The following CA10 variants were observed in gnomAD, a reference collection of about 807,000 sequenced individuals.
CA10 encodes the protein carbonic anhydrase 10 (inactive).
CA10 carries 14 observed loss-of-function variants against 44.2 expected under a neutral mutation model. The ratio of observed to expected loss-of-function variants is 0.32; its 90% CI spans 0.21 to 0.50. The LOEUF is 0.50. Ranked by LOEUF, CA10 falls within the 20% of genes least tolerant of loss-of-function variation. The probability of loss-of-function intolerance (pLI) is 0.99; values close to 1 mark genes in which losing one functional copy is unlikely to be tolerated. For missense variants in CA10, 350 were observed against 409.7 expected, an observed-to-expected ratio of 0.85 and a Z score of 1.26; for synonymous variants, 159 against 141.6, an observed-to-expected ratio of 1.12 and a Z score of -0.87.
intron 3 of CA10, among the ~76,000 whole-genome samples, chr17:51,904,728 C>T (rs1297117326): frequency 6.6e-6 from 1 of 152,074 alleles, no homozygotes; most frequent in African/African-American, 2.4e-5. Flanking sequence ...TATCCCTAAG[C>T]CCCTTTACCT....
At chr17:51,725,514 A>G (rs78572175) in intron 4 of CA10, among the ~76,000 whole-genome samples, 2,473 of 152,314 alleles carry the variant, frequency 0.016, 80 homozygotes, top group African/African-American at 0.057. Context: ...CAGGGCCAGC[A>G]GTGCAGCCCT....
At chr17:52,035,181 A>T (rs1187320535) in intron 2 of CA10, among the ~76,000 whole-genome samples, 1 of 152,066 alleles carries the variant, frequency 6.6e-6, no homozygotes, top group East Asian at 1.9e-4. Context: ...CCATGGCCCC[A>T]CCATGCCTCA....
chr17:51,918,432 G>A (rs1982089792), intron 3 of CA10, among the ~76,000 whole-genome samples: 1 of 152,194 alleles, frequency 6.6e-6, no homozygotes, highest in Non-Finnish European at 1.5e-5. Flanking sequence ...AGGCAGATGA[G>A]ATGCTGCTAG....
chr17:51,867,132 G>A (rs900433051), intron 3 of CA10, among the ~76,000 whole-genome samples: 1 of 152,092 alleles, frequency 6.6e-6, no homozygotes, highest in Non-Finnish European at 1.5e-5. Flanking sequence ...AGTAAGAAAT[G>A]AGGCCACATG....
intron 3 of CA10, among the ~76,000 whole-genome samples, chr17:51,835,069 A>G (rs920146848): frequency 6.6e-6 from 1 of 152,208 alleles, no homozygotes; most frequent in African/African-American, 2.4e-5. Context: ...AAAAGCAGCA[A>G]AAGCAATCTG....
At position 51,664,766 on chromosome 17, in the gene CA10, C is replaced by T. The variant is rs116999116; in HGVS notation, c.466-11030G>A. ...AGGGCAATGTGATTGAATGATATTT[C>T]GGGAGACCACAATGCGAAGTTTTAT... On this transcript the variant is annotated intron_variant, in intron 4 of 8. Coordinates refer to ENST00000451037, the MANE Select transcript of CA10 (RefSeq NM_020178.5). Among the ~76,000 whole-genome samples the T allele has an allele frequency of 2.2e-4, 34 of 152,116 alleles. No homozygotes were observed. In the East Asian group the frequency reaches 2.9e-3, roughly 13 times the overall value.
chr17:52,114,431 C>G (rs1988848232), intron 1 of CA10, among the ~76,000 whole-genome samples: 1 of 152,192 alleles, frequency 6.6e-6, no homozygotes, highest in Non-Finnish European at 1.5e-5. Context: ...CACTGAGCCT[C>G]AGTTTGCCCA....
rs192235444 is a variant in CA10, at chr17:51,950,594, T to C, written c.137-19462A>G. 2.5e-3 allele frequency among the ~76,000 whole-genome samples: 374 copies of C among 152,232 alleles called. 1 individual carries two copies. The highest frequency in any genetic ancestry group is 8.8e-3 in the African/African-American group (366 of 41,566). On this transcript the variant is annotated intron_variant, in intron 2 of 8. Transcript: ENST00000451037. Reference sequence around the variant, plus strand: ...CCACCAATCACTGCTTCCTCTTCATTTGGGCCACCGCTTCTTGCCCTGGAG... The same window carrying C: ...CCACCAATCACTGCTTCCTCTTCATCTGGGCCACCGCTTCTTGCCCTGGAG...
intron 3 of CA10, among the ~76,000 whole-genome samples, chr17:51,890,826 T>C (rs1238500885): frequency 6.6e-6 from 1 of 152,194 alleles, no homozygotes; most frequent in Non-Finnish European, 1.5e-5. Context: ...AATTTGGAGC[T>C]AGTTGACAGT....
rs1472852085 is a variant in CA10, at chr17:51,630,571, G to GTGAA, written c.*1009_*1012dup. ...TATCTCAGGCTGAAGCTCACCTCAT[G>GTGAA]TGAATGATTGAGCCATGGAGTGGAA... On this transcript the variant is annotated 3_prime_UTR_variant, in exon 9 of 9. Transcript: ENST00000451037. 4 of 152,622 alleles carry GTGAA rather than the reference G, an allele frequency of 2.6e-5. No individual in the cohort carries two copies. Among genetic ancestry groups the GTGAA allele is most frequent in the African/African-American group, 9.7e-5 (4 of 41,446 alleles). The allele number at this position is 152,622 out of a possible 1,614,324, so 9.5% of individuals were successfully genotyped here. A position where few individuals can be genotyped will look rare whatever the true frequency, so the allele number is the denominator to read the frequency against.
rs963297648 is a variant in CA10, at chr17:52,020,512, T to C, written c.136+51807A>G. On this transcript the variant is annotated intron_variant, in intron 2 of 8. Transcript: ENST00000451037. ...TCACTTGTATTTTGTTTTCTGCAAA[T>C]CCGTCATTTTTTGTCTAAAAATGTC... 5.3e-5 allele frequency among the ~76,000 whole-genome samples: 8 copies of C among 152,156 alleles called. No homozygotes were observed. In the East Asian group the frequency reaches 1.6e-3, roughly 29 times the overall value.
At chr17:52,156,806 G>C (rs1989812888) in intron 1 of CA10, among the ~76,000 whole-genome samples, 1 of 152,230 alleles carries the variant, frequency 6.6e-6, no homozygotes, top group Non-Finnish European at 1.5e-5. Flanking sequence ...TAAGTGGCAG[G>C]TGTGAAGGGA....
At chr17:52,121,694 AC>A in intron 1 of CA10, among the ~76,000 whole-genome samples, 1 of 152,044 alleles carries the variant, frequency 6.6e-6, no homozygotes, top group African/African-American at 2.4e-5. Flanking sequence ...ACACACACAC[AC>A]ACACACACCA....
At chr17:51,759,358 CTGTGTG>C (rs5820879) in intron 3 of CA10, among the ~76,000 whole-genome samples, 134 of 141,962 alleles carry the variant, frequency 9.4e-4, no homozygotes, top group East Asian at 6.6e-3. Context: ...CTTCTTTGCT[CTGTGTG>C]TGTGTGTGTG....
chr17:51,870,283 C>A (rs1338959787), intron 3 of CA10, among the ~76,000 whole-genome samples: 3 of 152,208 alleles, frequency 2.0e-5, no homozygotes, highest in African/African-American at 7.2e-5. Flanking sequence ...TGAGCCATAG[C>A]TTTATAGGGC....
intron 3 of CA10, among the ~76,000 whole-genome samples, chr17:51,847,062 C>A (rs1978526896): frequency 6.6e-6 from 1 of 152,106 alleles, no homozygotes; most frequent in Admixed American, 6.6e-5. Context: ...TCCTATGACG[C>A]CCTGGATGAC....
intron 4 of CA10, among the ~76,000 whole-genome samples, chr17:51,663,416 T>C (rs8079224): frequency 1 from 152,240 of 152,240 alleles, 76,120 homozygotes; most frequent in Non-Finnish European, 1. Flanking sequence ...CTTTTGAAAC[T>C]TCTGCTGATT....
chr17:51,749,884 T>G (rs1904834362), intron 3 of CA10, among the ~76,000 whole-genome samples: 1 of 152,210 alleles, frequency 6.6e-6, no homozygotes, highest in South Asian at 2.1e-4. Context: ...TCGTTCTAGT[T>G]CCTTCAAGAG....
At chr17:51,692,906 G>A (rs962846216) in intron 4 of CA10, among the ~76,000 whole-genome samples, 8 of 152,218 alleles carry the variant, frequency 5.3e-5, no homozygotes, top group Non-Finnish European at 7.3e-5. Context: ...TCCACGACCA[G>A]CTTCAACTTG....
Sources: gnomAD v4.1 joint callset for allele counts (sites outside exome capture counted in the v4.1 genomes callset) on GRCh38, gnomAD v4.1.1 for gene constraint, MANE v1.5 for transcripts, NCBI Gene and HGNC (gene_info 2026-07-23, HGNC 2026-07-21) for gene names.